The following BIN1 variants were observed in gnomAD, a reference collection of about 807,000 sequenced individuals.
BIN1 encodes myc box-dependent-interacting protein 1.
A neutral mutation model predicts 82.0 loss-of-function variants in BIN1; 53 were observed. That is an observed-to-expected ratio of 0.65 (90% CI 0.52 to 0.81). The LOEUF (loss-of-function observed/expected upper bound fraction) is 0.81. BIN1 is among the 40% of genes least tolerant of loss of function. The probability of loss-of-function intolerance (pLI) is 0.00; values close to 1 mark genes in which losing one functional copy is unlikely to be tolerated. For synonymous variants in BIN1, 302 were observed against 328.0 expected (o/e 0.92, Z 0.86); for missense variants, 642 against 784.4 (o/e 0.82, Z 2.17).
chr2:127,057,344 G>C lies in BIN1; in HGVS notation c.1131+129C>G. 2 of 1,262,462 alleles carry C rather than the reference G, an allele frequency of 1.6e-6. No individual in the cohort carries two copies. The highest frequency in any genetic ancestry group is 1.7e-5 in the South Asian group (1 of 57,916). The allele number at this position is 1,262,462 out of a possible 1,614,324, so 78.2% of individuals were successfully genotyped here. A position where few individuals can be genotyped will look rare whatever the true frequency, so the allele number is the denominator to read the frequency against. ...GATGGATGGAGGGAACAAAGGGTGAGAGAGGGAAACTGACACTCTCTCTGG... is the reference window on the plus strand; with the variant it reads ...GATGGATGGAGGGAACAAAGGGTGACAGAGGGAAACTGACACTCTCTCTGG... On this transcript the variant is annotated intron_variant, in intron 12 of 18. Transcript: ENST00000316724. This position sits in a 1 kb window ranked among gnomAD's most constrained non-coding sequence, Gnocchi z 5.0.
intron 1 of BIN1, among the ~76,000 whole-genome samples, chr2:127,077,316 C>CCACA (rs10573582): frequency 2.2e-4 from 33 of 150,392 alleles, no homozygotes; most frequent in Middle Eastern, 3.4e-3. Context: ...TCTGCACAGC[C>CCACA]CACACACACA....
At chr2:127,101,837 G>A (rs10166461) in intron 1 of BIN1, among the ~76,000 whole-genome samples, 32,140 of 151,946 alleles carry the variant, frequency 0.21, 3,629 homozygotes, top group African/African-American at 0.28. Context: ...TCACTGCCCC[G>A]GGTCTGTGAA....
chr2:127,076,791 G>T, intron 1 of BIN1, 85 bp from the exon 2 acceptor site: 1 of 1,489,162 alleles, frequency 6.7e-7, no homozygotes, highest in Non-Finnish European at 9.4e-7. Flanking sequence ...CAACAGCACA[G>T]ACCAGGGGCT....
chr2:127,070,210 C>G (rs1312522313), intron 4 of BIN1, 120 bp from the exon 5 acceptor site: 6 of 796,864 alleles, frequency 7.5e-6, no homozygotes, highest in Non-Finnish European at 1.3e-5. Context: ...CTTCTCAGAG[C>G]CTCAGTTTCC....
At chr2:127,094,694 GGA>G (rs1679368196) in intron 1 of BIN1, among the ~76,000 whole-genome samples, 1 of 152,228 alleles carries the variant, frequency 6.6e-6, no homozygotes, top group Non-Finnish European at 1.5e-5. Flanking sequence ...GCACAAAGCC[GGA>G]CGCTGGCATC....
At chr2:127,100,315 C>G (rs146565725) in intron 1 of BIN1, among the ~76,000 whole-genome samples, 127 of 151,246 alleles carry the variant, frequency 8.4e-4, no homozygotes, top group African/African-American at 3.0e-3. Flanking sequence ...GGGGGTCCGA[C>G]AGGGGCCCCA....
At chr2:127,053,319 T>G (rs1042492924) in intron 14 of BIN1, 103 bp downstream of exon 14, 15 of 1,503,938 alleles carry the variant, frequency 1.0e-5, no homozygotes, top group Non-Finnish European at 1.1e-5. Flanking sequence ...GGGGGGTGTG[T>G]GGGGTGCATG....
In BIN1 at chr2:127,090,837, A is replaced by T. The variant is rs1195405330; in HGVS notation, c.85-14131T>A. Among the ~76,000 whole-genome samples the T allele has an allele frequency of 6.6e-6, 1 of 152,178 alleles. No homozygotes were observed. The highest frequency in any genetic ancestry group is 1.5e-5 in the Non-Finnish European group (1 of 68,024). ...GTCGCCACACACTCCCACAGTCTTC[A>T]TTAGGAAACTTTGCCTCCCTAGCAA... On this transcript the variant is annotated intron_variant, in intron 1 of 18. Transcript: ENST00000316724. This position sits in a 1 kb window ranked among gnomAD's most constrained non-coding sequence, Gnocchi z 6.4.
Position 127,082,178 on chromosome 2 carries a change from G to T in BIN1, c.85-5472C>A, listed in dbSNP as rs572749554. ...GCCCCCCACCTCTGGGTCCAGGCTCGCTCACTGACTCCCGGGGGCTGTCCC... is the reference window on the plus strand; with the variant it reads ...GCCCCCCACCTCTGGGTCCAGGCTCTCTCACTGACTCCCGGGGGCTGTCCC... On this transcript the variant is annotated intron_variant, in intron 1 of 18. Transcript: ENST00000316724. This position sits in a 1 kb window ranked among gnomAD's most constrained non-coding sequence, Gnocchi z 6.1. Among the ~76,000 whole-genome samples the T allele has an allele frequency of 6.6e-6, 1 of 151,766 alleles. No homozygotes were observed. The highest frequency in any genetic ancestry group is 1.5e-5 in the Non-Finnish European group (1 of 67,920).
Position 127,101,006 on chromosome 2 carries a change from T to C in BIN1, c.84+5854A>G, listed in dbSNP as rs11682226. ...CCCAAGGGTAGGAATGTGCGGGGGGTGGGGATAGACTCAAACTCAGCTGTC... is the reference window on the plus strand; with the variant it reads ...CCCAAGGGTAGGAATGTGCGGGGGGCGGGGATAGACTCAAACTCAGCTGTC... On this transcript the variant is annotated intron_variant, in intron 1 of 18. Transcript: ENST00000316724. Among the ~76,000 whole-genome samples, 28 of 109,272 alleles carry C rather than the reference T, an allele frequency of 2.6e-4. 4 individuals carry two copies. Among genetic ancestry groups the C allele is most frequent in the African/African-American group, 7.6e-4 (18 of 23,572 alleles). 71.7% of individuals were successfully genotyped at this position (109,272 alleles called of 152,430 possible).
chr2:127,088,463 C>T (rs569368182), intron 1 of BIN1, among the ~76,000 whole-genome samples: 2 of 152,030 alleles, frequency 1.3e-5, no homozygotes, highest in Admixed American at 1.3e-4. Context: ...GGGACGGGTG[C>T]GGTGGCTCAC....
At chr2:127,070,848 G>T (rs370513335) in intron 2 of BIN1, 32 bp from the exon 3 acceptor site, 2 of 1,602,762 alleles carry the variant, frequency 1.2e-6, no homozygotes, top group Admixed American at 1.7e-5. Flanking sequence ...CCAGGTCAGG[G>T]ACTGGTGGCA....
intron 10 of BIN1, chr2:127,060,486 C>A: frequency 6.6e-7 from 1 of 1,524,002 alleles, no homozygotes; most frequent in Non-Finnish European, 9.1e-7. Flanking sequence ...GCACTGCACA[C>A]AGAGCCAGAT....
At chr2:127,054,063 G>T (rs1478158670) in intron 12 of BIN1, 51 bp from the exon 13 acceptor site, 1 of 1,496,374 alleles carries the variant, frequency 6.7e-7, no homozygotes, top group South Asian at 1.2e-5. Context: ...GTTAAGCTGG[G>T]AGCCCTCACC....
chr2:127,060,893 G>C (rs1344701140), intron 10 of BIN1, among the ~76,000 whole-genome samples: 1 of 152,198 alleles, frequency 6.6e-6, no homozygotes, highest in African/African-American at 2.4e-5. Context: ...CGGGGCAGTG[G>C]AGAGTCACCC....
intron 2 of BIN1, among the ~76,000 whole-genome samples, chr2:127,072,691 C>T (rs1194818056): frequency 6.6e-6 from 1 of 152,064 alleles, no homozygotes; most frequent in Non-Finnish European, 1.5e-5. Flanking sequence ...GGCTAATCAT[C>T]ATCTTTACAA....
At position 127,048,161 on chromosome 2, in the gene BIN1, T is replaced by C. The variant is rs1682409805; in HGVS notation, c.*365A>G. On this transcript the variant is annotated 3_prime_UTR_variant, in exon 19 of 19. Coordinates refer to ENST00000316724, the MANE Select transcript of BIN1 (RefSeq NM_139343.3). ...GTGTCTGGGCCCCACCCACAGCAGC[T>C]GCCAGGAAAAGAGGACCCTTGCCCG... The C allele has an allele frequency of 2.1e-5, 7 of 341,310 alleles. No individual in the cohort carries two copies. The highest frequency in any genetic ancestry group is 1.9e-4 in the South Asian group (7 of 37,612). The allele number at this position is 341,310 out of a possible 1,614,324, so 21.1% of individuals were successfully genotyped here.
At position 127,059,275 on chromosome 2, in the gene BIN1, T is replaced by G; in HGVS notation, c.858-120A>C. On this transcript the variant is annotated intron_variant, in intron 10 of 18. Transcript: ENST00000316724. This position sits in a 1 kb window ranked among gnomAD's most constrained non-coding sequence, Gnocchi z 6.7. ...GTGCATATGGAGGTGTGAAACTGTG[T>G]GTGTGTGTGTGTGTGTGTATGTGAG... 1.1e-6 allele frequency: 1 copy of G among 936,814 alleles called. No individual in the cohort carries two copies. The highest frequency in any genetic ancestry group is 1.6e-6 in the Non-Finnish European group (1 of 639,838). 58.0% of individuals were successfully genotyped at this position (936,814 alleles called of 1,614,324 possible). A position where few individuals can be genotyped will look rare whatever the true frequency, so the allele number is the denominator to read the frequency against.
intron 1 of BIN1, among the ~76,000 whole-genome samples, chr2:127,087,343 G>C (rs1356691859): frequency 2.0e-5 from 3 of 152,176 alleles, no homozygotes; most frequent in East Asian, 3.9e-4. Context: ...CCCAGAGAAC[G>C]AGTGTCCAGT....
Sources: allele counts gnomAD v4.1 joint callset (sites outside exome capture counted in the v4.1 genomes callset), GRCh38; gene constraint gnomAD v4.1.1; non-coding constraint Gnocchi (gnomAD v3.1); transcripts MANE v1.5; gene names NCBI Gene and HGNC (gene_info 2026-07-23, HGNC 2026-07-21).